Variants in SCN7A observed in about 807,000 individuals in gnomAD.
The protein encoded by SCN7A is sodium channel protein type 7 subunit alpha.
In SCN7A, 138 loss-of-function variants were observed where a neutral mutation model predicts 155.2. That is an observed-to-expected ratio of 0.89 (90% CI 0.77 to 1.02). The LOEUF (loss-of-function observed/expected upper bound fraction) is 1.02, where lower values mean the gene tolerates loss of function less well. SCN7A is among the 50% of genes least tolerant of loss of function. The pLI is 0.00. For synonymous variants in SCN7A, 693 were observed against 649.0 expected (o/e 1.07, Z -1.03); for missense variants, 2,058 against 1,986.6 (o/e 1.04, Z -0.68).
chr2:166,450,567 C>T (rs773767501), intron 11 of SCN7A, among the ~76,000 whole-genome samples: 1 of 152,052 alleles, frequency 6.6e-6, no homozygotes, highest in African/African-American at 2.4e-5. Context: ...TTTGGGAGGC[C>T]GAGGCGAGCA....
rs760462332 is a variant in SCN7A at position 166,465,904 on chromosome 2, T to C, written c.748A>G (p.Ile250Val). The C allele has an allele frequency of 3.7e-6, 6 of 1,613,848 alleles. No individual in the cohort carries two copies. The highest frequency in any genetic ancestry group is 1.1e-5 in the South Asian group (1 of 91,072). ...AGCCCCATCCCAATTAGAGAAAATATGCTCAGAAAAAACAGAGTTAGGATA... is the reference window on the plus strand; with the variant it reads ...AGCCCCATCCCAATTAGAGAAAATACGCTCAGAAAAAACAGAGTTAGGATA... The part of the protein sequence containing the change: ...VIILTLFFLS[I>V]FSLIGMGLFM... The change falls in exon 8 of 26, where the codon ATA becomes GTA. Residue 250 changes from isoleucine to valine, a missense_variant. Physicochemically the swap from Ile to Val is conservative, Grantham distance 29. Transcript: ENST00000643258.
At position 166,443,620 on chromosome 2, in the gene SCN7A, T is replaced by C. The variant is rs1702004410; in HGVS notation, c.1683A>G (p.Pro561=). 2 of 1,570,332 alleles carry C rather than the reference T, an allele frequency of 1.3e-6. No individual in the cohort carries two copies. Among genetic ancestry groups the C allele is most frequent in the South Asian group, 1.2e-5 (1 of 84,836 alleles). The change falls in exon 14 of 26, where the codon CCA becomes CCG. Residue 561 remains proline, a synonymous_variant. Transcript: ENST00000643258. ...TCCAACCTACTTGGAAATACCCATA[T>C]GGATGCATTGCAATTATTTTAAAAA... ...EMIFKIIAMH[P]YGYFQVGWNI...
In SCN7A at chr2:166,468,569, C is replaced by G. The variant is rs936258463; in HGVS notation, c.664+2046G>C. Among the ~76,000 whole-genome samples the G allele has an allele frequency of 5.3e-5, 8 of 151,960 alleles. No individual in the cohort carries two copies. In the East Asian group the frequency reaches 1.3e-3, roughly 26 times the overall value. On this transcript the variant is annotated intron_variant, in intron 7 of 25. Coordinates refer to ENST00000643258, the MANE Select transcript of SCN7A (RefSeq NM_002976.4). ...TTTGTAATATTTGCATTCTGTTTTG[C>G]AACTCACTAACAGCAGTAATTTGCA...
chr2:166,474,251 T>C lies in SCN7A; in HGVS notation c.328A>G (p.Thr110Ala). The change falls in exon 4 of 26, where the codon ACA becomes GCA. Residue 110 changes from threonine to alanine, a missense_variant. Transcript: ENST00000643258. ...GGATGTACCAAAACCTTGATAGTTG[T>C]TCTTCTAATACAATTGAAAGGAGAC... ...TLSPFNCIRR[T>A]TIKVLVHPFF... The C allele has an allele frequency of 6.6e-7, 1 of 1,509,720 alleles. No homozygotes were observed. Among genetic ancestry groups the C allele is most frequent in the Non-Finnish European group, 8.9e-7 (1 of 1,121,686 alleles). The allele number at this position is 1,509,720 out of a possible 1,614,324, so 93.5% of individuals were successfully genotyped here. A position where few individuals can be genotyped will look rare whatever the true frequency, so the allele number is the denominator to read the frequency against.
rs1702918589 is a variant in SCN7A, at chr2:166,481,216, CTCAG to C, written c.-14-3510_-14-3507del. On this transcript the variant is annotated intron_variant, in intron 2 of 25. Transcript: ENST00000643258. Reference sequence around the variant, plus strand: ...CTCTGTGACTAATGTTCTAAGAAACCTCAGTCAAATTATTTAATATCCCTGAACA... The same window carrying C: ...CTCTGTGACTAATGTTCTAAGAAACCTCAAATTATTTAATATCCCTGAACA... Among the ~76,000 whole-genome samples, 3 of 152,192 alleles carry C rather than the reference CTCAG, an allele frequency of 2.0e-5. No individual in the cohort carries two copies. In the South Asian group the frequency reaches 6.2e-4, roughly 32 times the overall value.
chr2:166,473,087 T>A (rs1261211130), intron 5 of SCN7A, among the ~76,000 whole-genome samples: 1 of 151,688 alleles, frequency 6.6e-6, no homozygotes, highest in African/African-American at 2.4e-5. Context: ...GCTTAATACC[T>A]GCGTGATGAA....
At position 166,494,239 on chromosome 2, in the gene SCN7A, C is replaced by G. The variant is rs1334532451; in HGVS notation, c.-399G>C. 3 of 152,484 alleles carry G rather than the reference C, an allele frequency of 2.0e-5. No individual in the cohort carries two copies. Among genetic ancestry groups the G allele is most frequent in the African/African-American group, 7.2e-5 (3 of 41,420 alleles). 9.4% of individuals were successfully genotyped at this position (152,484 alleles called of 1,614,324 possible). A position where few individuals can be genotyped will look rare whatever the true frequency, so the allele number is the denominator to read the frequency against. Reference sequence around the variant, plus strand: ...CCAGAGACCCCTCCTACCCAGATGTCCAGTGGAGCCGCGCCCGCTGCTTGG... The same window carrying G: ...CCAGAGACCCCTCCTACCCAGATGTGCAGTGGAGCCGCGCCCGCTGCTTGG... On this transcript the variant is annotated 5_prime_UTR_variant, in exon 1 of 26. Transcript: ENST00000643258.
chr2:166,488,632 C>CTTTTTTT (rs200899928), intron 1 of SCN7A, among the ~76,000 whole-genome samples: 1 of 144,646 alleles, frequency 6.9e-6, no homozygotes, highest in African/African-American at 2.5e-5. Context: ...TCAACAGTTT[C>CTTTTTTT]TTTTTTTTTT....
chr2:166,416,626 C>T (rs556631481), intron 21 of SCN7A, 81 bp downstream of exon 21: 52 of 1,185,050 alleles, frequency 4.4e-5, no homozygotes, highest in African/African-American at 4.2e-4. Context: ...ATGTATTAAT[C>T]GCCCACATTT....
At chr2:166,470,507 T>C in intron 7 of SCN7A, 108 bp downstream of exon 7, 1 of 922,656 alleles carries the variant, frequency 1.1e-6, no homozygotes, top group Non-Finnish European at 1.6e-6. Context: ...GGTTTCAAAG[T>C]GGAAACATTA....
rs142449339 is a variant in SCN7A at position 166,479,968 on chromosome 2, C to A, written c.-14-2258G>T. 5.8e-3 allele frequency among the ~76,000 whole-genome samples: 880 copies of A among 152,208 alleles called. 5 individuals carry two copies. The highest frequency in any genetic ancestry group is 9.2e-3 in the Non-Finnish European group (628 of 68,006). ...ACTCACCTTAAAATTTACTTATTTC[C>A]AAATATCTGAGACATTACAAATTTG... On this transcript the variant is annotated intron_variant, in intron 2 of 25. Coordinates refer to ENST00000643258, the MANE Select transcript of SCN7A (RefSeq NM_002976.4).
chr2:166,430,229 G>A (rs1701705882), intron 16 of SCN7A, among the ~76,000 whole-genome samples: 1 of 151,930 alleles, frequency 6.6e-6, no homozygotes, highest in Admixed American at 6.6e-5. Flanking sequence ...CTTATACACA[G>A]TAAGTGTCAA....
chr2:166,405,733 A>G lies in SCN7A; in HGVS notation c.4896T>C (p.Ile1632=). Residue 1632 remains isoleucine (I), a synonymous_variant, in exon 26 of 26, where the codon ATT becomes ATC. Transcript: ENST00000643258. ...AGCGGTAATTTTTATAAGCACGTTG[A>G]ATGATGGTTGCTGAAACTGCCTCTT... ...RKQEAVSATI[I]QRAYKNYRLR... is the part of the protein sequence containing the mutation. 2 of 1,613,064 alleles carry G rather than the reference A, an allele frequency of 1.2e-6. No homozygotes were observed. The highest frequency in any genetic ancestry group is 1.7e-6 in the Non-Finnish European group (2 of 1,179,336).
intron 2 of SCN7A, among the ~76,000 whole-genome samples, chr2:166,479,558 T>G (rs1702874550): frequency 6.6e-6 from 1 of 151,580 alleles, no homozygotes; most frequent in Non-Finnish European, 1.5e-5. Context: ...GTCTGCCGCA[T>G]TCTACTTAAA....
In SCN7A at chr2:166,414,253, TAGATATATATACACACAC is replaced by T. The variant is rs1559088601; in HGVS notation, c.3415-1150_3415-1133del. 4.5e-3 allele frequency among the ~76,000 whole-genome samples: 383 copies of T among 84,636 alleles called. 9 individuals are homozygous for T. The highest frequency in any genetic ancestry group is 0.016 in the African/African-American group (342 of 20,890). 55.5% of individuals were successfully genotyped at this position (84,636 alleles called of 152,430 possible). ...ATATATCTATATATGTAAATATATA[TAGATATATATACACACAC>T]ATATATATATATATACACACACATA... is the stretch of plus-strand genomic sequence containing the variant. On this transcript the variant is annotated intron_variant, in intron 21 of 25. Coordinates refer to ENST00000643258, the MANE Select transcript of SCN7A (RefSeq NM_002976.4).
intron 23 of SCN7A, among the ~76,000 whole-genome samples, chr2:166,412,162 G>C (rs1294265853): frequency 1.3e-5 from 2 of 151,918 alleles, no homozygotes; most frequent in Non-Finnish European, 2.9e-5. Context: ...TGACTGTGGA[G>C]GCTTTAAATA....
intron 11 of SCN7A, 77 bp from the exon 12 acceptor site, chr2:166,447,785 G>T: frequency 1.1e-6 from 1 of 927,168 alleles, no homozygotes; most frequent in Non-Finnish European, 1.7e-6. Context: ...GCACAGCCTT[G>T]CTAAAAATGC....
rs530506137 is a variant in SCN7A at position 166,481,331 on chromosome 2, T to C, written c.-14-3621A>G. Among the ~76,000 whole-genome samples the C allele has an allele frequency of 2.0e-5, 3 of 152,276 alleles. No homozygotes were observed. The East Asian group carries it at 5.8e-4, about 29-fold the overall frequency. On this transcript the variant is annotated intron_variant, in intron 2 of 25. Transcript: ENST00000643258. Reference sequence around the variant, plus strand: ...ATATGAGTAAAAATACCTAGTACAGTGATTGGCACATAATACATGGAAAAT... The same window carrying C: ...ATATGAGTAAAAATACCTAGTACAGCGATTGGCACATAATACATGGAAAAT...
At chr2:166,480,419 C>A (rs1702895525) in intron 2 of SCN7A, among the ~76,000 whole-genome samples, 3 of 151,146 alleles carry the variant, frequency 2.0e-5, no homozygotes, top group Admixed American at 2.0e-4. Flanking sequence ...GATCGCACCA[C>A]TGCACTCCAG....
Sources: allele counts gnomAD v4.1 joint callset (sites outside exome capture counted in the v4.1 genomes callset), GRCh38; gene constraint gnomAD v4.1.1; transcripts MANE v1.5; gene names NCBI Gene and HGNC (gene_info 2026-07-23, HGNC 2026-07-21).